The following GPAT3 variants were observed in gnomAD, a reference collection of about 807,000 sequenced individuals.
GPAT3 encodes glycerol-3-phosphate acyltransferase 3, also known as 1-AGP acyltransferase 9.
A neutral mutation model predicts 58.8 loss-of-function variants in GPAT3; 53 were observed. That is an observed-to-expected ratio of 0.90 (90% CI 0.72 to 1.13). The LOEUF is 1.13. GPAT3 is among the 50% of genes most tolerant of loss of function. GPAT3 has a pLI of 0.00. For synonymous variants in GPAT3, 197 were observed against 187.4 expected, an observed-to-expected ratio of 1.05 and a Z score of -0.42; for missense variants, 511 against 527.6, an observed-to-expected ratio of 0.97 and a Z score of 0.31.
At chr4:83,597,936 A>AC in intron 9 of GPAT3, 115 bp from the exon 10 acceptor site, 1 of 1,223,496 alleles carries the variant, frequency 8.2e-7, no homozygotes, top group Non-Finnish European at 1.1e-6. Flanking sequence ...AAGTGAAATA[A>AC]CTTTTTTTTT....
chr4:83,542,824 C>T (rs1003465509), intron 1 of GPAT3, among the ~76,000 whole-genome samples: 2 of 151,896 alleles, frequency 1.3e-5, no homozygotes, highest in African/African-American at 4.8e-5. Context: ...ATAGTGAAAC[C>T]CCATCTCTAC....
At chr4:83,547,316 G>GA (rs1724565885) in intron 2 of GPAT3, among the ~76,000 whole-genome samples, 2 of 145,738 alleles carry the variant, frequency 1.4e-5, no homozygotes, top group South Asian at 4.4e-4. Context: ...GCAGTGGCGG[G>GA]ATCTCGGCTC....
intron 2 of GPAT3, among the ~76,000 whole-genome samples, chr4:83,557,863 A>G (rs1220611501): frequency 1.3e-5 from 2 of 152,214 alleles, no homozygotes; most frequent in South Asian, 4.1e-4. Flanking sequence ...GTAAAGGGCA[A>G]TGAAGTTGAT....
intron 2 of GPAT3, among the ~76,000 whole-genome samples, chr4:83,545,444 T>TAA (rs200359970): frequency 3.1e-4 from 45 of 145,958 alleles, no homozygotes; most frequent in South Asian, 1.3e-3. Context: ...AGACCTCATT[T>TAA]AAAAAAAAAA....
At chr4:83,574,624 A>ATTTTTTTTTTTTTTTT (rs561972057) in intron 2 of GPAT3, among the ~76,000 whole-genome samples, 8 of 55,590 alleles carry the variant, frequency 1.4e-4, no homozygotes, top group Non-Finnish European at 2.4e-4. Flanking sequence ...AGTAAAATGA[A>ATTTTTTTTTTTTTTTT]TTTTTTTTTT....
intron 6 of GPAT3, among the ~76,000 whole-genome samples, chr4:83,594,395 G>C (rs1726733587): frequency 6.6e-6 from 1 of 152,174 alleles, no homozygotes; most frequent in Admixed American, 6.6e-5. Context: ...AGATGAGTGT[G>C]TATGCAATTT....
In GPAT3 at chr4:83,567,985, A is replaced by G. The variant is rs113500132; in HGVS notation, c.209-13577A>G. Among the ~76,000 whole-genome samples the G allele has an allele frequency of 1.4e-4, 21 of 152,294 alleles. 1 individual carries two copies. The highest frequency in any genetic ancestry group is 4.6e-4 in the African/African-American group (19 of 41,584). On this transcript the variant is annotated intron_variant, in intron 2 of 11. Coordinates refer to ENST00000264409, the MANE Select transcript of GPAT3 (RefSeq NM_032717.5). ...CCAGATTTTCATTAAAGTTATTTGC[A>G]GAAGACTTTGTGTAGAATTCTTTCT...
At chr4:83,553,374 T>C (rs1724823372) in intron 2 of GPAT3, among the ~76,000 whole-genome samples, 1 of 152,216 alleles carries the variant, frequency 6.6e-6, no homozygotes, top group Non-Finnish European at 1.5e-5. Flanking sequence ...TCTTTTCGAA[T>C]AGTAGTAACA....
At chr4:83,559,878 C>T (rs1413362852) in intron 2 of GPAT3, among the ~76,000 whole-genome samples, 1 of 152,008 alleles carries the variant, frequency 6.6e-6, no homozygotes, top group Non-Finnish European at 1.5e-5. Flanking sequence ...TTCTGTTTGG[C>T]GAGAACAGGA....
chr4:83,561,058 C>T (rs947276779), intron 2 of GPAT3, among the ~76,000 whole-genome samples: 1 of 152,182 alleles, frequency 6.6e-6, no homozygotes, highest in Non-Finnish European at 1.5e-5. Flanking sequence ...TGGCGTCAGG[C>T]CTTTACAAGG....
In GPAT3 at chr4:83,587,675, C is replaced by T. The variant is rs560269583; in HGVS notation, c.554+346C>T. Among the ~76,000 whole-genome samples, 67 of 152,276 alleles carry T rather than the reference C, an allele frequency of 4.4e-4. 1 individual carries two copies. Among genetic ancestry groups the T allele is most frequent in the African/African-American group, 1.5e-3 (61 of 41,554 alleles). On this transcript the variant is annotated intron_variant, in intron 4 of 11. Transcript: ENST00000264409. Reference sequence around the variant, plus strand: ...ACTCCTGACCTTGTGATTTGCTTTCCTTGGCCTCCCAAAGTGCTGGGATTA... The same window carrying T: ...ACTCCTGACCTTGTGATTTGCTTTCTTTGGCCTCCCAAAGTGCTGGGATTA...
intron 10 of GPAT3, chr4:83,598,404 T>C: frequency 2.8e-6 from 2 of 707,898 alleles, no homozygotes; most frequent in Admixed American, 3.2e-5. Context: ...CCTACAGATA[T>C]TATCTTGGGT....
chr4:83,535,932 T>C (rs1724059207), upstream of GPAT3: 4 of 985,426 alleles, frequency 4.1e-6, no homozygotes, highest in Non-Finnish European at 4.8e-6. Flanking sequence ...ACTCTCCTCC[T>C]GAAAGGACCT....
chr4:83,551,609 T>C (rs1724753031), intron 2 of GPAT3, among the ~76,000 whole-genome samples: 1 of 151,872 alleles, frequency 6.6e-6, no homozygotes, highest in Non-Finnish European at 1.5e-5. Flanking sequence ...CTGGCCAACA[T>C]GGTGAAACCC....
intron 2 of GPAT3, among the ~76,000 whole-genome samples, chr4:83,561,341 T>C (rs941103364): frequency 3.9e-5 from 6 of 152,216 alleles, no homozygotes; most frequent in Admixed American, 3.3e-4. Flanking sequence ...ATATGTAAAA[T>C]ACTTAAAATC....
intron 5 of GPAT3, among the ~76,000 whole-genome samples, chr4:83,588,798 A>C (rs1726482285): frequency 6.6e-6 from 1 of 152,234 alleles, no homozygotes; most frequent in South Asian, 2.1e-4. Context: ...AAAATTCCAT[A>C]ATTGAGCCTT....
chr4:83,602,495 T>C (rs548546346), intron 11 of GPAT3, among the ~76,000 whole-genome samples: 1 of 152,344 alleles, frequency 6.6e-6, no homozygotes, highest in East Asian at 1.9e-4. Flanking sequence ...TTTTCATAGA[T>C]TGAGTGAAAA....
intron 2 of GPAT3, among the ~76,000 whole-genome samples, chr4:83,581,210 T>C (rs1292194925): frequency 2.6e-5 from 4 of 152,158 alleles, no homozygotes; most frequent in Middle Eastern, 3.4e-3. Flanking sequence ...GAAGTCTTTG[T>C]TTTTACACAA....
rs141548038 is a variant in GPAT3 at position 83,566,419 on chromosome 4, T to TTAA, written c.209-15142_209-15141insAAT. Among the ~76,000 whole-genome samples, 13 of 143,584 alleles carry TTAA rather than the reference T, an allele frequency of 9.1e-5. No individual in the cohort carries two copies. In the East Asian group the frequency reaches 2.2e-3, roughly 24 times the overall value. The allele number at this position is 143,584 out of a possible 152,430, so 94.2% of individuals were successfully genotyped here. On this transcript the variant is annotated intron_variant, in intron 2 of 11. Coordinates refer to ENST00000264409, the MANE Select transcript of GPAT3 (RefSeq NM_032717.5). ...TTCTTTTTTTTAAAAAATTAATTAA[T>TTAA]TTATTATTATTATTATTATTATTAT...
Sources: allele counts gnomAD v4.1 joint callset (sites outside exome capture counted in the v4.1 genomes callset), GRCh38; gene constraint gnomAD v4.1.1; transcripts MANE v1.5; gene names NCBI Gene and HGNC (gene_info 2026-07-23, HGNC 2026-07-21).